SYNE2: variants seen among roughly 807,000 people sequenced by gnomAD.
The protein encoded by SYNE2 is spectrin repeat containing nuclear envelope protein 2, also known as nesprin-2.
SYNE2 carries 431 observed loss-of-function variants against 856.3 expected under a neutral mutation model. The ratio of observed to expected loss-of-function variants is 0.50; its 90% CI spans 0.47 to 0.55. SYNE2 has a LOEUF of 0.55. SYNE2 is among the 20% of genes least tolerant of loss of function. SYNE2 has a pLI of 0.00. For synonymous variants in SYNE2, 2,923 were observed against 2,872.3 expected, an observed-to-expected ratio of 1.02 and a Z score of -0.56; for missense variants, 8,129 against 8,023.2, an observed-to-expected ratio of 1.01 and a Z score of -0.50.
chr14:63,895,645 A>G (rs12894963), intron 1 of SYNE2, among the ~76,000 whole-genome samples: 8,999 of 150,444 alleles, frequency 0.06, 307 homozygotes, highest in Admixed American at 0.098. Flanking sequence ...GTGTGTGCCT[A>G]TTGTCCCAGG....
At chr14:64,214,672 GAA>G (rs929271036) in intron 106 of SYNE2, 3 of 610,354 alleles carry the variant, frequency 4.9e-6, no homozygotes, top group East Asian at 5.5e-5. Flanking sequence ...ATGAAAGGGG[GAA>G]AAAAAATGAA....
At chr14:63,815,631 C>G (rs965672041) in intron 1 of SYNE2, among the ~76,000 whole-genome samples, 4 of 152,106 alleles carry the variant, frequency 2.6e-5, no homozygotes, top group African/African-American at 9.7e-5. Flanking sequence ...CAAGTTGACA[C>G]TCAGTATTAA....
chr14:64,123,938 C>T (rs1207727257), intron 70 of SYNE2, among the ~76,000 whole-genome samples: 1 of 150,930 alleles, frequency 6.6e-6, no homozygotes, highest in East Asian at 1.9e-4. Flanking sequence ...GGTGCAGTGG[C>T]TCACGCCTAT....
At chr14:63,826,216 A>G (rs1889424223) in intron 1 of SYNE2, among the ~76,000 whole-genome samples, 2 of 152,244 alleles carry the variant, frequency 1.3e-5, no homozygotes, top group African/African-American at 2.4e-5. Flanking sequence ...TCAATGGAAT[A>G]GCACTGAGAA....
intron 54 of SYNE2, among the ~76,000 whole-genome samples, chr14:64,076,888 A>C (rs1432656617): frequency 1.3e-5 from 2 of 152,114 alleles, no homozygotes; most frequent in East Asian, 3.8e-4. Flanking sequence ...CATGTAAAAA[A>C]CATGTAAACT....
rs183671240 is a variant in SYNE2 at position 64,113,254 on chromosome 14, C to T, written c.12610-87C>T. 8.7e-5 allele frequency: 139 copies of T among 1,606,018 alleles called. No individual in the cohort carries two copies. In the African/African-American group the frequency reaches 1.6e-3, roughly 18 times the overall value. ...TCTGTCCTGATTTTGTTTCTTTTAA[C>T]TGGGGAAATGTTGCAGGTTCCCAGG... On this transcript the variant is annotated intron_variant, in intron 65 of 115. Transcript: ENST00000555002.
chr14:64,049,941 A>G, intron 47 of SYNE2, 65 bp downstream of exon 47: 1 of 1,578,838 alleles, frequency 6.3e-7, no homozygotes, highest in Non-Finnish European at 8.7e-7. Context: ...CACCTTGGAC[A>G]GGCCCAGGGT....
rs558451144 is a variant in SYNE2 at position 64,052,611 on chromosome 14, A to G, written c.8698A>G (p.Asn2900Asp). The change falls in exon 48 of 116, where the codon AAC (asparagine) becomes GAC (aspartate). Residue 2900 changes from asparagine (N) to aspartate (D), a missense_variant. Asn to Asp is a conservative substitution (Grantham distance 23). Around this residue, in one of 3 missense-constraint regions of SYNE2, gnomAD observed 5,410 missense variants for 5,284.8 expected, o/e 1.02. Transcript: ENST00000555002. Reference protein sequence around the residue: ...GISTHLQELTNIYEELNVFER... With the variant: ...GISTHLQELTDIYEELNVFER... ...CTCAACACATCTTCAGGAGCTAACA[A>G]ACATCTATGAGGAGCTGAATGTGTT... is the stretch of plus-strand genomic sequence containing the variant. 10 of 1,614,142 alleles carry G rather than the reference A, an allele frequency of 6.2e-6. No individual in the cohort carries two copies. The highest frequency in any genetic ancestry group is 3.3e-5 in the South Asian group (3 of 91,074).
At chr14:64,113,049 C>T (rs745955228) in intron 65 of SYNE2, 1 of 985,280 alleles carries the variant, frequency 1.0e-6, no homozygotes. Flanking sequence ...CTGTCACTCA[C>T]ATTCTCACCT....
At chr14:63,824,200 A>G (rs1055678980) in intron 1 of SYNE2, among the ~76,000 whole-genome samples, 15 of 152,116 alleles carry the variant, frequency 9.9e-5, no homozygotes, top group Non-Finnish European at 1.6e-4. Context: ...TTAGCCGAGC[A>G]TGGTAGTGTG....
intron 1 of SYNE2, among the ~76,000 whole-genome samples, chr14:63,778,381 G>C (rs1187347997): frequency 6.6e-6 from 1 of 152,132 alleles, no homozygotes; most frequent in Non-Finnish European, 1.5e-5. Flanking sequence ...CTTTACAGCA[G>C]TGTGAAAATG....
At chr14:63,874,797 G>C (rs2094677344) in intron 1 of SYNE2, among the ~76,000 whole-genome samples, 1 of 152,088 alleles carries the variant, frequency 6.6e-6, no homozygotes, top group Non-Finnish European at 1.5e-5. Context: ...TGTTTGCTTA[G>C]TCAAAATTAA....
chr14:64,215,107 C>T (rs1355565863), intron 106 of SYNE2, among the ~76,000 whole-genome samples, 179 bp from the exon 107 acceptor site: 2 of 151,998 alleles, frequency 1.3e-5, no homozygotes, highest in Non-Finnish European at 2.9e-5. Context: ...CAGTGTCCTG[C>T]TTTGGACAGT....
At chr14:64,125,314 A>G (rs1439625811) in intron 71 of SYNE2, 104 bp downstream of exon 71, 1 of 1,502,270 alleles carries the variant, frequency 6.7e-7, no homozygotes, top group Non-Finnish European at 9.1e-7. Context: ...CAAGTCATGG[A>G]ACACATAATG....
At chr14:64,183,852 G>C (rs1268298710) in intron 96 of SYNE2, among the ~76,000 whole-genome samples, 3 of 151,734 alleles carry the variant, frequency 2.0e-5, no homozygotes, top group Non-Finnish European at 2.9e-5. Flanking sequence ...TTGCAGTGAG[G>C]CCAGATGGCA....
chr14:63,997,255 A>G (rs1478019112), intron 24 of SYNE2, 46 bp from the exon 25 acceptor site: 2 of 1,596,176 alleles, frequency 1.3e-6, no homozygotes, highest in Non-Finnish European at 8.6e-7. Context: ...TTTAGGTTTC[A>G]TTTTTCTTAC....
chr14:64,061,286 T>G (rs550167485), intron 49 of SYNE2, among the ~76,000 whole-genome samples: 1 of 152,304 alleles, frequency 6.6e-6, no homozygotes, highest in Non-Finnish European at 1.5e-5. Context: ...TAGTAAAATT[T>G]ATTTACTTAG....
chr14:63,831,367 C>G (rs932220785), intron 1 of SYNE2, among the ~76,000 whole-genome samples: 1 of 151,878 alleles, frequency 6.6e-6, no homozygotes, highest in Non-Finnish European at 1.5e-5. Context: ...TTTTTACTTT[C>G]CAGTATCTAA....
intron 64 of SYNE2, among the ~76,000 whole-genome samples, chr14:64,106,548 C>T (rs1165973445): frequency 6.6e-6 from 1 of 152,148 alleles, no homozygotes; most frequent in Admixed American, 6.5e-5. Flanking sequence ...ACTCGGGAGG[C>T]TGAGGCAGGA....
Sources: gnomAD v4.1 joint callset for allele counts (sites outside exome capture counted in the v4.1 genomes callset) on GRCh38, gnomAD v4.1.1 for gene constraint, gnomAD v4.1.1 regional missense constraint, MANE v1.5 for transcripts, NCBI Gene and HGNC (gene_info 2026-07-23, HGNC 2026-07-21) for gene names.